Variants in MYO6 observed in about 807,000 individuals in gnomAD.
MYO6 encodes myosin VI.
Under a neutral mutation model 178.7 loss-of-function variants are expected in MYO6, and 74 were observed. The ratio of observed to expected loss-of-function variants is 0.41; its 90% CI spans 0.34 to 0.50. The LOEUF (loss-of-function observed/expected upper bound fraction) is 0.50, where lower values mean the gene tolerates loss of function less well. MYO6 is among the 20% of genes least tolerant of loss of function. The pLI is 0.09. For synonymous variants in MYO6, 477 were observed against 504.6 expected (o/e 0.95, Z 0.73); for missense variants, 1,330 against 1,547.4 (o/e 0.86, Z 2.36).
intron 11 of MYO6, among the ~76,000 whole-genome samples, chr6:75,852,121 T>TA (rs1415935239): frequency 2.0e-5 from 3 of 151,418 alleles, no homozygotes; most frequent in South Asian, 2.1e-4. Flanking sequence ...TTTTTTTTTT[T>TA]ATCTTAGCCT....
intron 33 of MYO6, among the ~76,000 whole-genome samples, 200 bp downstream of exon 33, chr6:75,911,898 C>T (rs965627740): frequency 8.6e-5 from 13 of 151,842 alleles, no homozygotes; most frequent in Non-Finnish European, 1.8e-4. Context: ...ATATGTATTA[C>T]AAAAAATCTA....
At chr6:75,831,700 T>C (rs973190961) in intron 5 of MYO6, among the ~76,000 whole-genome samples, 1 of 151,996 alleles carries the variant, frequency 6.6e-6, no homozygotes, top group Non-Finnish European at 1.5e-5. Flanking sequence ...AAGACCAGCC[T>C]GGGCAAACAT....
chr6:75,813,300 A>G (rs1266354648), intron 1 of MYO6, among the ~76,000 whole-genome samples: 1 of 152,090 alleles, frequency 6.6e-6, no homozygotes, highest in East Asian at 1.9e-4. Flanking sequence ...GTCTCTCTGC[A>G]TGGCCACCAC....
intron 1 of MYO6, among the ~76,000 whole-genome samples, chr6:75,805,907 T>C (rs1334137011): frequency 6.6e-6 from 1 of 152,180 alleles, no homozygotes; most frequent in Non-Finnish European, 1.5e-5. Context: ...ATTTCCCTTA[T>C]AGTGAGTGAG....
intron 11 of MYO6, among the ~76,000 whole-genome samples, chr6:75,852,970 G>A (rs537964476): frequency 7.2e-5 from 11 of 152,244 alleles, no homozygotes; most frequent in African/African-American, 2.2e-4. Context: ...CATCAGAAGC[G>A]TATGAGGGTT....
chr6:75,817,221 C>T (rs999477454), intron 1 of MYO6, among the ~76,000 whole-genome samples: 3 of 150,360 alleles, frequency 2.0e-5, no homozygotes, highest in Middle Eastern at 3.5e-3. Flanking sequence ...AGGAGAATGG[C>T]GTGATCCTGG....
intron 30 of MYO6, 120 bp downstream of exon 30, chr6:75,898,531 A>G (rs559908776): frequency 1.2e-6 from 1 of 829,810 alleles, no homozygotes; most frequent in South Asian, 1.5e-5. Flanking sequence ...ATGTAAAGTG[A>G]TATTTCTTTC....
intron 2 of MYO6, among the ~76,000 whole-genome samples, chr6:75,820,067 T>G (rs1771718321): frequency 6.6e-6 from 1 of 152,174 alleles, no homozygotes; most frequent in Non-Finnish European, 1.5e-5. Context: ...GCTATTTTAA[T>G]CCACTAAATT....
At chr6:75,842,186 G>GCA (rs1014993882) in intron 9 of MYO6, among the ~76,000 whole-genome samples, 37 of 148,702 alleles carry the variant, frequency 2.5e-4, no homozygotes, top group Middle Eastern at 3.5e-3. Flanking sequence ...GGTGGGAAAC[G>GCA]CACACACACA....
At chr6:75,767,707 G>T (rs1424495944) in intron 1 of MYO6, among the ~76,000 whole-genome samples, 1 of 151,538 alleles carries the variant, frequency 6.6e-6, no homozygotes, top group Admixed American at 6.6e-5. Context: ...TTGTAGTCAG[G>T]CTTTTGCCAT....
chr6:75,828,507 ATTCTC>A (rs1562216647), intron 3 of MYO6, 28 bp from the exon 4 acceptor site: 1 of 1,239,446 alleles, frequency 8.1e-7, no homozygotes. Flanking sequence ...GTTTTCTTCA[ATTCTC>A]TAATGACATA....
chr6:75,840,711 T>C (rs1774137558), intron 8 of MYO6, 29 bp downstream of exon 8: 1 of 1,537,152 alleles, frequency 6.5e-7, no homozygotes, highest in African/African-American at 1.4e-5. Flanking sequence ...TGGAATGATA[T>C]TTTTGGGGAG....
chr6:75,894,108 C>A (rs1779112865), intron 28 of MYO6, among the ~76,000 whole-genome samples: 1 of 152,152 alleles, frequency 6.6e-6, no homozygotes, highest in Admixed American at 6.5e-5. Flanking sequence ...TTAATGGAGT[C>A]ATTGTTGGTA....
chr6:75,822,718 G>A (rs897223142), intron 2 of MYO6, 64 bp from the exon 3 acceptor site: 53 of 1,265,010 alleles, frequency 4.2e-5, no homozygotes, highest in Admixed American at 6.7e-5. Flanking sequence ...AACCAATTAA[G>A]CCCTTCTATT....
intron 6 of MYO6, among the ~76,000 whole-genome samples, chr6:75,833,152 A>C (rs1277080659): frequency 6.6e-6 from 1 of 152,182 alleles, no homozygotes; most frequent in Non-Finnish European, 1.5e-5. Flanking sequence ...ATGCCCTGCT[A>C]ATCTTTTACT....
Position 75,914,041 on chromosome 6 carries a change from C to T in MYO6, c.3440-22C>T, listed in dbSNP as rs752411893. ...CTTTTCCCTTGAGCTGCTGGTATAA[C>T]TTTCCTTGTTCTGTGTAATAGCTCA... On this transcript the variant is annotated intron_variant, in intron 33 of 34. Coordinates refer to ENST00000369977, the MANE Select transcript of MYO6 (RefSeq NM_004999.4). 20 of 1,611,516 alleles carry T rather than the reference C, an allele frequency of 1.2e-5. No individual in the cohort carries two copies. In the African/African-American group the frequency reaches 2.5e-4, roughly 20 times the overall value.
At chr6:75,813,163 C>T (rs1456674417) in intron 1 of MYO6, among the ~76,000 whole-genome samples, 1 of 152,134 alleles carries the variant, frequency 6.6e-6, no homozygotes, top group Admixed American at 6.5e-5. Flanking sequence ...TTGATGCCAC[C>T]TGGGAGGCAG....
chr6:75,802,518 C>G (rs1297430350), intron 1 of MYO6, among the ~76,000 whole-genome samples: 4 of 143,854 alleles, frequency 2.8e-5, no homozygotes, highest in Admixed American at 7.1e-5. Context: ...GAGTCTCGCT[C>G]TGTCACCCAG....
chr6:75,867,010 A>T lies in MYO6; in HGVS notation c.1849A>T (p.Ile617Leu), dbSNP rs1471625381. 1 of 1,613,764 alleles carries T rather than the reference A, an allele frequency of 6.2e-7. No homozygotes were observed. The highest frequency in any genetic ancestry group is 1.1e-5 in the South Asian group (1 of 91,070). The stretch of plus-strand genomic sequence containing the variant: ...AATATGTGAATCCAGAGATAAGTTT[A>T]TACGGGAATTATTTGAATCATCCAC... Reference protein sequence around the residue: ...SLICESRDKFIRELFESSTNN... With the variant: ...SLICESRDKFLRELFESSTNN... The change falls in exon 18 of 35, where the codon ATA becomes TTA. Residue 617 changes from isoleucine (I) to leucine (L), a missense_variant. Ile to Leu is a conservative substitution (Grantham distance 5, BLOSUM62 2). Around this residue, in one of 3 missense-constraint regions of MYO6, gnomAD observed 613 missense variants for 816.8 expected, o/e 0.75. Coordinates refer to ENST00000369977, the MANE Select transcript of MYO6 (RefSeq NM_004999.4).
Sources: allele counts gnomAD v4.1 joint callset (sites outside exome capture counted in the v4.1 genomes callset), GRCh38; gene constraint gnomAD v4.1.1; regional missense constraint gnomAD v4.1.1; transcripts MANE v1.5; gene names NCBI Gene and HGNC (gene_info 2026-07-23, HGNC 2026-07-21).